Variants in SYT13 observed in about 807,000 individuals in gnomAD.
SYT13 encodes synaptotagmin-13.
Under a neutral mutation model 38.6 loss-of-function variants are expected in SYT13, and 21 were observed. The ratio of observed to expected loss-of-function variants is 0.54; its 90% CI spans 0.39 to 0.78. SYT13 has a LOEUF of 0.78. Among genes scored for constraint, SYT13 ranks in the 30% least tolerant of loss-of-function variants. The pLI is 0.00. For missense variants in SYT13, 495 were observed against 548.7 expected (o/e 0.90, Z 0.98); for synonymous variants, 241 against 237.6 (o/e 1.01, Z -0.13).
In SYT13 at chr11:45,241,515, C is replaced by CT. The variant is rs1554978726; in HGVS notation, c.*2536_*2537insA. On this transcript the variant is annotated 3_prime_UTR_variant, in exon 6 of 6. Coordinates refer to ENST00000020926, the MANE Select transcript of SYT13 (RefSeq NM_020826.3). ...CTTTGAGATCCCTCCCCCGCCCCGC[C>CT]CCCCCAAAAAAAAGAAGAAGAAGAA... The CT allele has an allele frequency of 7.3e-6, 1 of 136,350 alleles. No individual in the cohort carries two copies. The highest frequency in any genetic ancestry group is 1.6e-5 in the Non-Finnish European group (1 of 62,812). 8.4% of individuals were successfully genotyped at this position (136,350 alleles called of 1,614,324 possible).
At chr11:45,277,554 C>G (rs1272898589) in intron 1 of SYT13, among the ~76,000 whole-genome samples, 2 of 152,162 alleles carry the variant, frequency 1.3e-5, no homozygotes, top group African/African-American at 4.8e-5. Flanking sequence ...ATTTCCCCAG[C>G]CTCATTGTTC....
chr11:45,270,698 T>TATC (rs1384475488), intron 1 of SYT13, among the ~76,000 whole-genome samples: 1 of 152,184 alleles, frequency 6.6e-6, no homozygotes, highest in Non-Finnish European at 1.5e-5. Context: ...CCCATGTGAC[T>TATC]ATCACCCATT....
rs1018436983 is a variant in SYT13, at chr11:45,241,850, C to T, written c.*2202G>A. 1 of 152,224 alleles carries T rather than the reference C, an allele frequency of 6.6e-6. No individual in the cohort carries two copies. The highest frequency in any genetic ancestry group is 2.4e-5 in the African/African-American group (1 of 41,466). 9.4% of individuals were successfully genotyped at this position (152,224 alleles called of 1,614,324 possible). A position where few individuals can be genotyped will look rare whatever the true frequency, so the allele number is the denominator to read the frequency against. ...CTCTAAAACATTTCATAGGAAGCCACTAACAAGTGCTTTGCCTACACAACA... is the reference window on the plus strand; with the variant it reads ...CTCTAAAACATTTCATAGGAAGCCATTAACAAGTGCTTTGCCTACACAACA... On this transcript the variant is annotated 3_prime_UTR_variant, in exon 6 of 6. Coordinates refer to ENST00000020926, the MANE Select transcript of SYT13 (RefSeq NM_020826.3).
At chr11:45,270,221 A>G (rs577632688) in intron 1 of SYT13, among the ~76,000 whole-genome samples, 3 of 152,348 alleles carry the variant, frequency 2.0e-5, no homozygotes, top group Admixed American at 6.5e-5. Flanking sequence ...GTATAGAAGC[A>G]TCTCAGCTCT....
intron 3 of SYT13, 148 bp downstream of exon 3, chr11:45,254,122 G>C: frequency 1.2e-6 from 1 of 853,104 alleles, no homozygotes; most frequent in Admixed American, 3.9e-5. Flanking sequence ...GGAAATCTTT[G>C]TGTCTAAGCT....
intron 1 of SYT13, 120 bp from the exon 2 acceptor site, chr11:45,256,011 A>C: frequency 1.9e-6 from 2 of 1,047,552 alleles, no homozygotes; most frequent in African/African-American, 1.6e-5. Context: ...TTGTGGTTTC[A>C]TTCTGCTCTG....
intron 1 of SYT13, among the ~76,000 whole-genome samples, chr11:45,265,983 A>G (rs2135901216): frequency 6.6e-6 from 1 of 152,348 alleles, no homozygotes; most frequent in South Asian, 2.1e-4. Flanking sequence ...CCTGAGGGAT[A>G]CATATTTGTC....
At chr11:45,263,971 C>T (rs1854850615) in intron 1 of SYT13, among the ~76,000 whole-genome samples, 1 of 152,142 alleles carries the variant, frequency 6.6e-6, no homozygotes, top group Non-Finnish European at 1.5e-5. Context: ...CCCAGCCAAC[C>T]CTCGACAAAT....
At chr11:45,246,593 C>A (rs1039923972) in intron 4 of SYT13, 81 bp from the exon 5 acceptor site, 2 of 1,540,414 alleles carry the variant, frequency 1.3e-6, no homozygotes, top group Non-Finnish European at 1.7e-6. Flanking sequence ...GAAGCTGGAA[C>A]CATGCTGGAT....
At chr11:45,254,908 A>C (rs1486207968) in intron 2 of SYT13, among the ~76,000 whole-genome samples, 1 of 152,010 alleles carries the variant, frequency 6.6e-6, no homozygotes, top group East Asian at 1.9e-4. Context: ...GAGCCCAGGA[A>C]TTTGAGACCA....
chr11:45,261,911 G>C (rs1854821711), intron 1 of SYT13, among the ~76,000 whole-genome samples: 1 of 120,914 alleles, frequency 8.3e-6, no homozygotes, highest in Non-Finnish European at 1.9e-5. Context: ...GCAAGACCTT[G>C]TCTCAAAAAA....
intron 1 of SYT13, among the ~76,000 whole-genome samples, chr11:45,266,116 T>G (rs544751594): frequency 2.0e-5 from 3 of 152,204 alleles, no homozygotes; most frequent in African/African-American, 7.2e-5. Context: ...ACATGCTGAA[T>G]TGGGCTTTCT....
At chr11:45,274,767 A>G (rs1258775120) in intron 1 of SYT13, among the ~76,000 whole-genome samples, 1 of 152,198 alleles carries the variant, frequency 6.6e-6, no homozygotes, top group Non-Finnish European at 1.5e-5. Flanking sequence ...TTTGAAAAGC[A>G]AAGTCTTTGC....
At chr11:45,271,569 C>T (rs1264198537) in intron 1 of SYT13, among the ~76,000 whole-genome samples, 2 of 152,050 alleles carry the variant, frequency 1.3e-5, no homozygotes, top group East Asian at 1.9e-4. Flanking sequence ...TCATAAAGGG[C>T]CTTGAATGCC....
chr11:45,244,320 C>A lies in SYT13; in HGVS notation c.1013G>T (p.Arg338Leu), dbSNP rs377635830. The A allele has an allele frequency of 3.1e-6, 5 of 1,613,716 alleles. No homozygotes were observed. In the Admixed American group the frequency reaches 8.3e-5, roughly 27 times the overall value. ...TTTAGTCTGCTTCTTCTTCAGCTTC[C>A]GAGCCTGGTGCTTCAAGGTCACCTT... ...SVKVTLKHQA[R>L]KLKKKQTKRA... Residue 338 changes from arginine to leucine, a missense_variant, in exon 6 of 6, where the codon CGG (arginine) becomes CTG (leucine). Coordinates refer to ENST00000020926, the MANE Select transcript of SYT13 (RefSeq NM_020826.3).
At chr11:45,244,579 T>C (rs750731989) in intron 5 of SYT13, among the ~76,000 whole-genome samples, 1 of 152,198 alleles carries the variant, frequency 6.6e-6, no homozygotes, top group Admixed American at 6.5e-5. Context: ...GGCTCTGCTA[T>C]ACCAGCAGGA....
intron 5 of SYT13, among the ~76,000 whole-genome samples, chr11:45,244,878 T>A (rs895988912): frequency 6.6e-6 from 1 of 152,134 alleles, no homozygotes; most frequent in Admixed American, 6.5e-5. Context: ...GGGAACCACC[T>A]TTGCTACATG....
chr11:45,271,764 G>A (rs1202220271), intron 1 of SYT13, among the ~76,000 whole-genome samples: 2 of 152,204 alleles, frequency 1.3e-5, no homozygotes, highest in Admixed American at 1.3e-4. Context: ...GAGACACAGT[G>A]AGGGTAACCC....
chr11:45,266,957 A>C (rs1312356687), intron 1 of SYT13, among the ~76,000 whole-genome samples: 1 of 152,230 alleles, frequency 6.6e-6, no homozygotes, highest in East Asian at 1.9e-4. Context: ...GATTTCTCAC[A>C]GTCTGAAAAG....
Sources: allele counts gnomAD v4.1 joint callset (sites outside exome capture counted in the v4.1 genomes callset), GRCh38; gene constraint gnomAD v4.1.1; transcripts MANE v1.5; gene names NCBI Gene and HGNC (gene_info 2026-07-23, HGNC 2026-07-21).